The following TEX11 variants were observed in gnomAD, a reference collection of about 807,000 sequenced individuals.
TEX11 encodes the protein testis-expressed protein 11.
In TEX11, 7 loss-of-function variants were observed where a neutral mutation model predicts 84.4. The ratio of observed to expected loss-of-function variants is 0.08; its 90% CI spans 0.05 to 0.16. The LOEUF is 0.16. TEX11 is among the 10% of genes least tolerant of loss of function. The pLI is 1.00. For missense variants in TEX11, 551 were observed against 660.5 expected, an observed-to-expected ratio of 0.83 and a Z score of 1.82; for synonymous variants, 264 against 222.8, an observed-to-expected ratio of 1.18 and a Z score of -1.64.
At chrX:70,784,341 A>G in intron 9 of TEX11, among the ~76,000 whole-genome samples, 1 of 111,399 alleles carries the variant, frequency 9.0e-6, no homozygotes, top group Non-Finnish European at 1.9e-5. Flanking sequence ...AAAAAATAAG[A>G]GCTATTTCTG....
chrX:70,514,299 A>G, the TEX11 span, among the ~76,000 whole-genome samples: 1 of 103,107 alleles, frequency 9.7e-6, no homozygotes, highest in Admixed American at 1.0e-4. Flanking sequence ...GTTTTGGTGA[A>G]GTTAAAAGGA....
intron 20 of TEX11, among the ~76,000 whole-genome samples, chrX:70,612,206 A>AT (rs1398789003): frequency 9.0e-6 from 1 of 110,857 alleles, no homozygotes; most frequent in African/African-American, 3.3e-5. Context: ...CTAAAGGCCT[A>AT]TTTATTAGGA....
chrX:70,535,625 G>A (rs1169736988), intron 28 of TEX11, among the ~76,000 whole-genome samples: 1 of 110,607 alleles, frequency 9.0e-6, no homozygotes, highest in Non-Finnish European at 1.9e-5. Flanking sequence ...GCATGTGCCT[G>A]TAGTCTCAGC....
chrX:70,697,047 A>T (rs1382387286), intron 13 of TEX11, among the ~76,000 whole-genome samples: 1 of 111,495 alleles, frequency 9.0e-6, no homozygotes, highest in Admixed American at 9.5e-5. Context: ...CCTAGAGGCC[A>T]CTTGTATTCC....
chrX:70,903,269 A>G (rs1295554442), intron 2 of TEX11, among the ~76,000 whole-genome samples: 1 of 111,640 alleles, frequency 9.0e-6, no homozygotes. Flanking sequence ...ATAAACCAGT[A>G]GCATAGTCAT....
At chrX:70,867,406 C>T (rs188681297) in intron 4 of TEX11, among the ~76,000 whole-genome samples, 1,124 of 111,696 alleles carry the variant, frequency 0.01, 4 homozygotes, top group Non-Finnish European at 0.015. Context: ...ATTCCATGCT[C>T]ATGGATAGGA....
intron 4 of TEX11, among the ~76,000 whole-genome samples, chrX:70,863,527 C>A (rs1799343011): frequency 9.0e-6 from 1 of 111,514 alleles, no homozygotes; most frequent in Admixed American, 9.6e-5. Flanking sequence ...GCAACAACAT[C>A]AACATCAACA....
intron 10 of TEX11, among the ~76,000 whole-genome samples, 165 bp downstream of exon 10, chrX:70,744,000 A>C (rs1274211120): frequency 9.1e-6 from 1 of 110,304 alleles, no homozygotes. Context: ...TATGAGTTAG[A>C]TTATATTATT....
intron 25 of TEX11, among the ~76,000 whole-genome samples, chrX:70,562,092 C>G (rs2088383700): frequency 8.9e-6 from 1 of 112,273 alleles, no homozygotes; most frequent in African/African-American, 3.2e-5. Context: ...AGATTTCAGA[C>G]AACCTCCTCC....
chrX:70,886,456 T>C (rs1334380657), intron 2 of TEX11, among the ~76,000 whole-genome samples: 1 of 111,244 alleles, frequency 9.0e-6, no homozygotes, highest in East Asian at 2.8e-4. Flanking sequence ...AATAGGGAGT[T>C]ACTAAGCAAC....
rs1348671471 is a variant in TEX11, at chrX:70,678,789, A to G, written c.1242+15T>C. Reference sequence around the variant, plus strand: ...AGTGGAGAAATAAAGAATGAAAAAGAGATTATTCTCAAACCTCAAAACTAC... The same window carrying G: ...AGTGGAGAAATAAAGAATGAAAAAGGGATTATTCTCAAACCTCAAAACTAC... On this transcript the variant is annotated intron_variant, in intron 15 of 29. Coordinates refer to ENST00000374333, the MANE Select transcript of TEX11 (RefSeq NM_031276.3). The G allele has an allele frequency of 8.4e-7, 1 of 1,184,111 alleles. No individual in the cohort carries two copies. Among genetic ancestry groups the G allele is most frequent in the Non-Finnish European group, 1.1e-6 (1 of 879,457 alleles).
At chrX:70,611,789 T>C (rs1327754266) in intron 20 of TEX11, among the ~76,000 whole-genome samples, 1 of 111,105 alleles carries the variant, frequency 9.0e-6, no homozygotes, top group African/African-American at 3.3e-5. Context: ...GAAGCACTTG[T>C]GAAGTTCACA....
chrX:70,702,848 A>G (rs1488470198), intron 13 of TEX11, among the ~76,000 whole-genome samples: 4 of 110,953 alleles, frequency 3.6e-5, no homozygotes, highest in African/African-American at 1.3e-4. Context: ...AAATTTTAAG[A>G]CCTCTGTAGG....
chrX:70,651,458 G>C lies in TEX11; in HGVS notation c.1475C>G (p.Ser492Cys), dbSNP rs748692382. ...ACAAATAAAATTTATACCTCTTTCA[G>C]AGTTGCCCTCTATGACTGCAATCTT... Reference protein sequence around the residue: ...IFKIAVIEGNSERALQAIITL... With the variant: ...IFKIAVIEGNCERALQAIITL... The change falls in exon 17 of 30, where the codon TCT (serine) becomes TGT (cysteine). Residue 492 changes from serine to cysteine, a missense_variant. Physicochemically the swap from Ser to Cys is moderately radical, Grantham distance 112. Coordinates refer to ENST00000374333, the MANE Select transcript of TEX11 (RefSeq NM_031276.3). 18 of 1,185,681 alleles carry C rather than the reference G, an allele frequency of 1.5e-5. No homozygotes were observed. Among genetic ancestry groups the C allele is most frequent in the Admixed American group, 6.7e-5 (3 of 44,991 alleles).
chrX:70,593,494 A>T (rs1228386120), intron 24 of TEX11, among the ~76,000 whole-genome samples: 1 of 112,206 alleles, frequency 8.9e-6, no homozygotes, highest in Admixed American at 9.5e-5. Context: ...AAGAGACAGG[A>T]AAGTGTGACT....
intron 7 of TEX11, among the ~76,000 whole-genome samples, chrX:70,834,032 CT>C (rs1242132129): frequency 3.6e-5 from 4 of 110,854 alleles, no homozygotes; most frequent in Non-Finnish European, 3.8e-5. Context: ...CAAAAAGCAG[CT>C]TATCAATTAG....
At chrX:70,715,891 T>C (rs1261948909) in intron 13 of TEX11, among the ~76,000 whole-genome samples, 1 of 111,366 alleles carries the variant, frequency 9.0e-6, no homozygotes, top group Non-Finnish European at 1.9e-5. Context: ...TTCCAGTTTT[T>C]CTGCTCTGTT....
At position 70,866,512 on chromosome X, in the gene TEX11, T is replaced by C. The variant is rs562230716; in HGVS notation, c.245-5576A>G. 1.2e-4 allele frequency among the ~76,000 whole-genome samples: 13 copies of C among 109,226 alleles called. No individual in the cohort carries two copies. The South Asian group carries it at 5.1e-3, about 43-fold the overall frequency. 94.8% of individuals were successfully genotyped at this position (109,226 alleles called of 115,157 possible). A position where few individuals can be genotyped will look rare whatever the true frequency, so the allele number is the denominator to read the frequency against. ...TTCCTTCTGAAACTATTCCAATCAATAGAAAAAAAGGGACTCCTCCCTAAC... is the reference window on the plus strand; with the variant it reads ...TTCCTTCTGAAACTATTCCAATCAACAGAAAAAAAGGGACTCCTCCCTAAC... On this transcript the variant is annotated intron_variant, in intron 4 of 29. Transcript: ENST00000374333.
At chrX:70,644,803 G>A (rs1366169887) in intron 17 of TEX11, among the ~76,000 whole-genome samples, 1 of 95,163 alleles carries the variant, frequency 1.1e-5, no homozygotes, top group African/African-American at 3.8e-5. Context: ...GGATAGCATT[G>A]GGAGATATAC....
Sources: gnomAD v4.1 joint callset for allele counts (sites outside exome capture counted in the v4.1 genomes callset) on GRCh38, gnomAD v4.1.1 for gene constraint, MANE v1.5 for transcripts, NCBI Gene and HGNC (gene_info 2026-07-23, HGNC 2026-07-21) for gene names.